EDIL3: variants seen among roughly 807,000 people sequenced by gnomAD.
EDIL3 encodes EGF-like repeat and discoidin I-like domain-containing protein 3.
EDIL3 carries 37 observed loss-of-function variants against 67.4 expected under a neutral mutation model. That is an observed-to-expected ratio of 0.55 (90% confidence interval 0.42 to 0.72). EDIL3 has a LOEUF of 0.72. Among genes scored for constraint, EDIL3 ranks in the 30% least tolerant of loss-of-function variants. EDIL3 has a pLI of 0.00. For missense variants in EDIL3, 527 were observed against 586.3 expected (o/e 0.90, Z 1.04); for synonymous variants, 195 against 196.3 (o/e 0.99, Z 0.05).
chr5:84,097,657 T>A (rs1451675409), intron 6 of EDIL3, among the ~76,000 whole-genome samples: 3 of 152,134 alleles, frequency 2.0e-5, no homozygotes, highest in African/African-American at 7.2e-5. Context: ...TACACATTCA[T>A]GAGTAAATGT....
intron 9 of EDIL3, among the ~76,000 whole-genome samples, chr5:84,035,667 T>C (rs1267224175): frequency 6.6e-6 from 1 of 152,214 alleles, no homozygotes; most frequent in Admixed American, 6.5e-5. Context: ...AAACATATTA[T>C]ACTTTCTTTT....
At chr5:84,000,743 T>G (rs1745317524) in intron 9 of EDIL3, among the ~76,000 whole-genome samples, 1 of 152,026 alleles carries the variant, frequency 6.6e-6, no homozygotes, top group Admixed American at 6.6e-5. Context: ...CTTAAAAAAC[T>G]GAACAAATTG....
chr5:84,032,753 T>A (rs1745952321), intron 9 of EDIL3, among the ~76,000 whole-genome samples: 1 of 152,244 alleles, frequency 6.6e-6, no homozygotes, highest in Non-Finnish European at 1.5e-5. Context: ...TGGGACTTTT[T>A]AAAGTATGCC....
intron 5 of EDIL3, among the ~76,000 whole-genome samples, chr5:84,111,209 G>T (rs142144677): frequency 1.9e-4 from 29 of 152,240 alleles, no homozygotes; most frequent in African/African-American, 6.7e-4. Flanking sequence ...CTTGTGGAAT[G>T]GTGAGTCAAT....
intron 4 of EDIL3, among the ~76,000 whole-genome samples, chr5:84,142,504 T>G (rs1167182785): frequency 6.6e-6 from 1 of 152,034 alleles, no homozygotes; most frequent in Non-Finnish European, 1.5e-5. Flanking sequence ...TTATCCCAGT[T>G]CATCCTTGAG....
rs16900926 is a variant in EDIL3, at chr5:84,146,803, T to C, written c.356-9449A>G. ...ATTTCCTTTTTAGAGGGCATTGATA[T>C]ATTTCATACCTATAGAATTAAAATT... On this transcript the variant is annotated intron_variant, in intron 4 of 10. Coordinates refer to ENST00000296591, the MANE Select transcript of EDIL3 (RefSeq NM_005711.5). Among the ~76,000 whole-genome samples, 853 of 152,292 alleles carry C rather than the reference T, an allele frequency of 5.6e-3. 7 individuals are homozygous for C. The highest frequency in any genetic ancestry group is 0.019 in the African/African-American group (786 of 41,572).
intron 6 of EDIL3, 93 bp downstream of exon 6, chr5:84,106,556 T>A: frequency 7.1e-7 from 1 of 1,414,938 alleles, no homozygotes; most frequent in Non-Finnish European, 9.4e-7. Context: ...TAAGGAAGAG[T>A]CACACTGAGT....
At chr5:84,160,744 T>TTCCTTTCCTTTCCTTTC (rs140316379) in intron 4 of EDIL3, among the ~76,000 whole-genome samples, 1 of 100,030 alleles carries the variant, frequency 1.0e-5, no homozygotes, top group Non-Finnish European at 2.1e-5. Context: ...TCTTTTCTTT[T>TTCCTTTCCTTTCCTTTC]CTTTCCTTTC....
chr5:84,180,003 G>GTT (rs199614985), intron 4 of EDIL3, among the ~76,000 whole-genome samples: 3 of 114,464 alleles, frequency 2.6e-5, no homozygotes, highest in African/African-American at 6.5e-5. Context: ...GCAGTTTTGT[G>GTT]TTTTGTTTTT....
At chr5:84,326,896 TC>T (rs1746770310) in intron 1 of EDIL3, among the ~76,000 whole-genome samples, 1 of 151,984 alleles carries the variant, frequency 6.6e-6, no homozygotes, top group African/African-American at 2.4e-5. Context: ...AAAAATTTTT[TC>T]ATCTCATTTT....
intron 5 of EDIL3, among the ~76,000 whole-genome samples, chr5:84,115,072 T>C (rs1036351794): frequency 1.3e-5 from 2 of 152,198 alleles, no homozygotes; most frequent in Non-Finnish European, 2.9e-5. Context: ...GGAATTACTT[T>C]TCTTTCTTTT....
chr5:83,968,035 A>C (rs1296789903), intron 9 of EDIL3, among the ~76,000 whole-genome samples: 2 of 152,168 alleles, frequency 1.3e-5, no homozygotes, highest in African/African-American at 4.8e-5. Context: ...ACTTATAGGC[A>C]ACGTATTTAA....
chr5:84,019,085 C>T (rs1412111223), intron 9 of EDIL3, among the ~76,000 whole-genome samples: 2 of 152,160 alleles, frequency 1.3e-5, no homozygotes, highest in African/African-American at 2.4e-5. Context: ...GCTATAAAGA[C>T]ACATGCACAC....
At chr5:84,040,665 TG>T (rs1479752394) in intron 9 of EDIL3, among the ~76,000 whole-genome samples, 1 of 152,028 alleles carries the variant, frequency 6.6e-6, no homozygotes, top group East Asian at 1.9e-4. Flanking sequence ...GATTTGTTGT[TG>T]GATTTATTCA....
At chr5:84,276,935 C>CA (rs1458134997) in intron 1 of EDIL3, among the ~76,000 whole-genome samples, 1 of 152,080 alleles carries the variant, frequency 6.6e-6, no homozygotes, top group Non-Finnish European at 1.5e-5. Context: ...ATAGCACACT[C>CA]AAAGAATAAA....
At chr5:84,164,586 A>G (rs1452383292) in intron 4 of EDIL3, among the ~76,000 whole-genome samples, 1 of 152,078 alleles carries the variant, frequency 6.6e-6, no homozygotes, top group Non-Finnish European at 1.5e-5. Flanking sequence ...CTCTGTTGCA[A>G]TTCACCGTGG....
At chr5:83,955,402 A>G (rs1037769410) in intron 10 of EDIL3, among the ~76,000 whole-genome samples, 1 of 131,348 alleles carries the variant, frequency 7.6e-6, no homozygotes, top group Admixed American at 7.9e-5. Flanking sequence ...GTTTTCACAC[A>G]TATTTTTTCC....
rs546920489 is a variant in EDIL3 at position 84,360,270 on chromosome 5, G to A, written c.67+24038C>T. Reference sequence around the variant, plus strand: ...GAGATTTTATGAGGTCAAAGAACAGGTATTGCAGCGGTCACTGAGTAATTC... The same window carrying A: ...GAGATTTTATGAGGTCAAAGAACAGATATTGCAGCGGTCACTGAGTAATTC... On this transcript the variant is annotated intron_variant, in intron 1 of 10. Coordinates refer to ENST00000296591, the MANE Select transcript of EDIL3 (RefSeq NM_005711.5). 4.6e-5 allele frequency among the ~76,000 whole-genome samples: 7 copies of A among 152,290 alleles called. No individual in the cohort carries two copies. In the South Asian group the frequency reaches 8.3e-4, roughly 18 times the overall value.
intron 9 of EDIL3, among the ~76,000 whole-genome samples, chr5:83,967,070 C>T (rs1744702673): frequency 6.6e-6 from 1 of 152,216 alleles, no homozygotes; most frequent in South Asian, 2.1e-4. Context: ...CGCTTGTAAT[C>T]CCAGCACTTT....
Sources: allele counts gnomAD v4.1 joint callset (sites outside exome capture counted in the v4.1 genomes callset), GRCh38; gene constraint gnomAD v4.1.1; transcripts MANE v1.5; gene names NCBI Gene and HGNC (gene_info 2026-07-23, HGNC 2026-07-21).